Variants in TMPRSS15 observed in about 807,000 individuals in gnomAD.
The protein encoded by TMPRSS15 is enteropeptidase.
TMPRSS15 carries 128 observed loss-of-function variants against 125.3 expected under a neutral mutation model. The ratio of observed to expected loss-of-function variants is 1.02; its 90% CI spans 0.89 to 1.18. TMPRSS15 has a LOEUF of 1.18. Ranked by LOEUF, TMPRSS15 falls within the 50% of genes most tolerant of loss-of-function variation. The pLI, the probability that TMPRSS15 is intolerant of heterozygous loss-of-function variation, is 0.00. For missense variants in TMPRSS15, 1,283 were observed against 1,212.7 expected (o/e 1.06, Z -0.86); for synonymous variants, 446 against 423.2 (o/e 1.05, Z -0.66).
chr21:18,355,441 T>G (rs1193722772), intron 8 of TMPRSS15, among the ~76,000 whole-genome samples: 1 of 151,842 alleles, frequency 6.6e-6, no homozygotes, highest in African/African-American at 2.4e-5. Flanking sequence ...CATGAAAATC[T>G]CCTAAAATGG....
At chr21:18,406,143 G>A (rs1227668636), upstream of TMPRSS15, among the ~76,000 whole-genome samples, 1 of 152,160 alleles carries the variant, frequency 6.6e-6, no homozygotes, top group African/African-American at 2.4e-5. Context: ...TAAAGCCAGT[G>A]AAGACTGGGT....
At chr21:18,350,756 A>C (rs554664731) in intron 10 of TMPRSS15, among the ~76,000 whole-genome samples, 1 of 151,540 alleles carries the variant, frequency 6.6e-6, no homozygotes, top group Admixed American at 6.6e-5. Flanking sequence ...AATTATATAT[A>C]TACATATATA....
chr21:18,462,250 C>G (rs1978564268), intron 1 of TMPRSS15, among the ~76,000 whole-genome samples: 1 of 151,996 alleles, frequency 6.6e-6, no homozygotes, highest in Admixed American at 6.6e-5. Flanking sequence ...AAGTATTACT[C>G]AAGATTGTGT....
intron 6 of TMPRSS15, among the ~76,000 whole-genome samples, chr21:18,365,743 C>CA: frequency 1.2e-5 from 1 of 83,864 alleles, no homozygotes; most frequent in Admixed American, 1.5e-4. Context: ...CTCTTTTTTC[C>CA]TTTTTTTTTT....
At chr21:18,325,083 C>A (rs1443451594) in intron 16 of TMPRSS15, among the ~76,000 whole-genome samples, 1 of 151,966 alleles carries the variant, frequency 6.6e-6, no homozygotes, top group Admixed American at 6.6e-5. Context: ...CACACACACA[C>A]ACACACACGC....
At chr21:18,271,475 G>A (rs2074555068) in intron 24 of TMPRSS15, among the ~76,000 whole-genome samples, 1 of 152,158 alleles carries the variant, frequency 6.6e-6, no homozygotes, top group Non-Finnish European at 1.5e-5. Flanking sequence ...CAGACTTGTT[G>A]CCTATCGGCT....
chr21:18,324,985 G>A (rs1206137196), intron 16 of TMPRSS15, among the ~76,000 whole-genome samples: 2 of 152,048 alleles, frequency 1.3e-5, no homozygotes, highest in African/African-American at 4.8e-5. Flanking sequence ...CAAAATCAGT[G>A]ATTCAATTCA....
upstream of TMPRSS15, among the ~76,000 whole-genome samples, chr21:18,405,478 G>A (rs868789478): frequency 7.9e-5 from 12 of 152,118 alleles, no homozygotes; most frequent in South Asian, 2.1e-4. Context: ...AAATAAAACA[G>A]GACTTGCCCT....
rs147777695 is a variant in TMPRSS15, at chr21:18,480,526, C to T, written c.10+5273G>A. The stretch of plus-strand genomic sequence containing the variant: ...AACCAGCATCAAATTCTACCAAAAC[C>T]GGCAAGTTTAGTTTGTAAGTAAAGA... On this transcript the variant is annotated intron_variant, in intron 1 of 7. Coordinates refer to the TMPRSS15 transcript ENST00000422787. 2.5e-3 allele frequency among the ~76,000 whole-genome samples: 372 copies of T among 151,836 alleles called. 1 individual carries two copies. The highest frequency in any genetic ancestry group is 8.4e-3 in the African/African-American group (348 of 41,476).
intron 23 of TMPRSS15, among the ~76,000 whole-genome samples, chr21:18,278,743 T>C (rs2074651514): frequency 6.6e-6 from 1 of 151,974 alleles, no homozygotes; most frequent in South Asian, 2.1e-4. Context: ...AACAAAATCC[T>C]ACAAATATAA....
At chr21:18,466,364 T>C (rs1183342801) in intron 1 of TMPRSS15, among the ~76,000 whole-genome samples, 1 of 151,970 alleles carries the variant, frequency 6.6e-6, no homozygotes, top group Non-Finnish European at 1.5e-5. Context: ...AAACACTTCA[T>C]GACTAAAACA....
intron 1 of TMPRSS15, among the ~76,000 whole-genome samples, chr21:18,435,179 T>C (rs1229645117): frequency 3.3e-5 from 5 of 151,956 alleles, no homozygotes. Context: ...TGAATAGGAG[T>C]GGTGAGAGAG....
At chr21:18,334,462 T>C (rs1488904898) in intron 13 of TMPRSS15, among the ~76,000 whole-genome samples, 1 of 152,196 alleles carries the variant, frequency 6.6e-6, no homozygotes, top group Non-Finnish European at 1.5e-5. Context: ...TTGTTGGAGC[T>C]GGTGGATGAA....
At chr21:18,313,118 A>C in intron 17 of TMPRSS15, 41 bp from the exon 18 acceptor site, 1 of 1,428,288 alleles carries the variant, frequency 7.0e-7, no homozygotes, top group Non-Finnish European at 9.9e-7. Context: ...CCAGAGACTG[A>C]AGGGTGCGGA....
At chr21:18,321,821 G>T (rs534758473) in intron 16 of TMPRSS15, among the ~76,000 whole-genome samples, 1 of 152,180 alleles carries the variant, frequency 6.6e-6, no homozygotes, top group South Asian at 2.1e-4. Context: ...AATCTCGACG[G>T]AAGCAGACGG....
At chr21:18,286,681 G>A (rs887783740) in intron 21 of TMPRSS15, among the ~76,000 whole-genome samples, 5 of 152,140 alleles carry the variant, frequency 3.3e-5, no homozygotes, top group African/African-American at 4.8e-5. Flanking sequence ...CTGATTTCAC[G>A]TTTGCTCCTC....
intron 1 of TMPRSS15, among the ~76,000 whole-genome samples, chr21:18,450,881 C>T (rs1472801293): frequency 1.3e-5 from 2 of 152,038 alleles, no homozygotes; most frequent in Admixed American, 6.6e-5. Flanking sequence ...ATATATACAC[C>T]GTCAACAATA....
chr21:18,467,662 A>G (rs1276466982), intron 1 of TMPRSS15, among the ~76,000 whole-genome samples: 1 of 152,108 alleles, frequency 6.6e-6, no homozygotes, highest in Admixed American at 6.6e-5. Context: ...TCCTAAATCT[A>G]AAATATACAG....
intron 21 of TMPRSS15, among the ~76,000 whole-genome samples, chr21:18,287,564 T>C (rs545323724): frequency 2.6e-5 from 4 of 152,284 alleles, no homozygotes; most frequent in Admixed American, 6.5e-5. Context: ...AGAGATACGA[T>C]AGAAACTTTT....
Sources: gnomAD v4.1 joint callset for allele counts (sites outside exome capture counted in the v4.1 genomes callset) on GRCh38, gnomAD v4.1.1 for gene constraint, MANE v1.5 for transcripts, NCBI Gene and HGNC (gene_info 2026-07-23, HGNC 2026-07-21) for gene names.